Variants in PRSS16 observed in about 807,000 individuals in gnomAD.
PRSS16 encodes the protein thymus-specific serine protease.
PRSS16 carries 43 observed loss-of-function variants against 61.7 expected under a neutral mutation model. That is an observed-to-expected ratio of 0.70 (90% confidence interval 0.55 to 0.90). The LOEUF is 0.90. PRSS16 is among the 40% of genes least tolerant of loss of function. The probability of loss-of-function intolerance (pLI) is 0.00; values close to 1 mark genes in which losing one functional copy is unlikely to be tolerated. For missense variants in PRSS16, 591 were observed against 659.1 expected, an observed-to-expected ratio of 0.90 and a Z score of 1.13; for synonymous variants, 273 against 285.2, an observed-to-expected ratio of 0.96 and a Z score of 0.43.
chr6:27,248,773 T>G (rs935638196), intron 2 of PRSS16, 74 bp from the exon 3 acceptor site: 27 of 975,988 alleles, frequency 2.8e-5, no homozygotes, highest in Non-Finnish European at 3.9e-5. Context: ...GAAGAGAGAC[T>G]GGAACAAATG....
chr6:27,252,976 T>C lies in PRSS16; in HGVS notation c.1150+27T>C. ...TAAGTGACTGGCCTAACCCTAACTTTGTCCCCTCAAACAACCTTTTTACTA... is the reference window on the plus strand; with the variant it reads ...TAAGTGACTGGCCTAACCCTAACTTCGTCCCCTCAAACAACCTTTTTACTA... On this transcript the variant is annotated intron_variant, in intron 9 of 11. Transcript: ENST00000230582. The surrounding 1 kb of genome is among the most constrained non-coding windows in gnomAD (Gnocchi z 4.2). 6.2e-7 allele frequency: 1 copy of C among 1,614,078 alleles called. No homozygotes were observed. Among genetic ancestry groups the C allele is most frequent in the Non-Finnish European group, 8.5e-7 (1 of 1,179,954 alleles).
chr6:27,251,997 G>T lies in PRSS16; in HGVS notation c.965G>T (p.Arg322Leu). 4 of 1,580,042 alleles carry T rather than the reference G, an allele frequency of 2.5e-6. No homozygotes were observed. Among genetic ancestry groups the T allele is most frequent in the Non-Finnish European group, 3.4e-6 (4 of 1,165,130 alleles). Residue 322 changes from arginine to leucine, a missense_variant, in exon 8 of 12, where the codon CGC (arginine) becomes CTC (leucine). Transcript: ENST00000230582. The surrounding 1 kb of genome is among the most constrained non-coding windows in gnomAD (Gnocchi z 5.6). ...CGLLLGGGGN[R>L]SHSTPYCGLR... ...CTTCTCCTCGGGGGCGGGGGCAACC[G>T]CAGCCACTCCACGCCCTACTGCGGG...
chr6:27,251,947 G>C lies in PRSS16; in HGVS notation c.915G>C (p.Pro305=). The change falls in exon 8 of 12, where the codon CCG becomes CCC. Residue 305 remains proline (P), a synonymous_variant. Coordinates refer to ENST00000230582, the MANE Select transcript of PRSS16 (RefSeq NM_005865.4). This position sits in a 1 kb window ranked among gnomAD's most constrained non-coding sequence, Gnocchi z 5.6. The part of the protein sequence containing the change: ...VVQYDGQTGA[P]LSVRQLCGLL... ...AGTATGATGGGCAGACGGGAGCGCCGCTAAGCGTGCGACAGCTCTGCGGAC... is the reference window on the plus strand; with the variant it reads ...AGTATGATGGGCAGACGGGAGCGCCCCTAAGCGTGCGACAGCTCTGCGGAC... 1 of 1,610,038 alleles carries C rather than the reference G, an allele frequency of 6.2e-7. No individual in the cohort carries two copies. The highest frequency in any genetic ancestry group is 1.7e-5 in the Admixed American group (1 of 59,358).
intron 4 of PRSS16, among the ~76,000 whole-genome samples, chr6:27,249,988 T>A (rs1293555885): frequency 7.2e-5 from 11 of 152,236 alleles, no homozygotes; most frequent in Non-Finnish European, 1.5e-5. Context: ...TTCTTTCATC[T>A]GCTTTATTCT....
intron 3 of PRSS16, 46 bp downstream of exon 3, chr6:27,248,992 C>A: frequency 6.4e-7 from 1 of 1,553,788 alleles, no homozygotes; most frequent in Non-Finnish European, 8.8e-7. Context: ...CTGGTGGGGA[C>A]CAGGAAGGGG....
chr6:27,255,269 C>A lies in PRSS16; in HGVS notation c.1499C>A (p.Thr500Asn), dbSNP rs1760006103. Reference protein sequence around the residue: ...GRQNIFQQLQTWLKLAKESQI... With the variant: ...GRQNIFQQLQNWLKLAKESQI... ...CAGAACATCTTCCAGCAGCTACAGA[C>A]CTGGCTCAAGCTGGCAAAGGAGAGC... The change falls in exon 12 of 12, where the codon ACC (threonine) becomes AAC (asparagine). Residue 500 changes from threonine to asparagine, a missense_variant. By Grantham distance (65) the Thr-to-Asn change is moderately conservative. Transcript: ENST00000230582. This position sits in a 1 kb window ranked among gnomAD's most constrained non-coding sequence, Gnocchi z 4.4. The A allele has an allele frequency of 1.9e-6, 3 of 1,613,940 alleles. No individual in the cohort carries two copies. The highest frequency in any genetic ancestry group is 1.1e-5 in the South Asian group (1 of 91,042).
At position 27,254,747 on chromosome 6, in the gene PRSS16, C is replaced by T. The variant is rs777131907; in HGVS notation, c.1205C>T (p.Ser402Phe). ...TTCTCCCAGCTCCCAGCACTGCCCT[C>T]CCAGCTAGACCTATGTGAGCAGGTG... Reference protein sequence around the residue: ...CPFSQLPALPSQLDLCEQVFG... With the variant: ...CPFSQLPALPFQLDLCEQVFG... The change falls in exon 10 of 12, where the codon TCC becomes TTC. Residue 402 changes from serine to phenylalanine, a missense_variant. Physicochemically the swap from Ser to Phe is radical, Grantham distance 155. Coordinates refer to ENST00000230582, the MANE Select transcript of PRSS16 (RefSeq NM_005865.4). 101 of 1,613,978 alleles carry T rather than the reference C, an allele frequency of 6.3e-5. 1 individual carries two copies. In the East Asian group the frequency reaches 1.9e-3, roughly 31 times the overall value.
rs1760009536 is a variant in PRSS16 at position 27,255,362 on chromosome 6, ATACT to A, written c.*49_*52del. The A allele has an allele frequency of 6.6e-7, 1 of 1,523,714 alleles. No individual in the cohort carries two copies. Among genetic ancestry groups the A allele is most frequent in the East Asian group, 2.4e-5 (1 of 42,472 alleles). The allele number at this position is 1,523,714 out of a possible 1,614,324, so 94.4% of individuals were successfully genotyped here. Reference sequence around the variant, plus strand: ...CTGCATGGTCACCTCAGTCCTGGACATACTTGTTCACTGAACAAAAGAAAGCAGC... The same window carrying A: ...CTGCATGGTCACCTCAGTCCTGGACATGTTCACTGAACAAAAGAAAGCAGC... On this transcript the variant is annotated 3_prime_UTR_variant, in exon 12 of 12. Coordinates refer to ENST00000230582, the MANE Select transcript of PRSS16 (RefSeq NM_005865.4). The surrounding 1 kb of genome is among the most constrained non-coding windows in gnomAD (Gnocchi z 4.4).
At position 27,250,065 on chromosome 6, in the gene PRSS16, G is replaced by A. The variant is rs181020912; in HGVS notation, c.468-618G>A. Among the ~76,000 whole-genome samples, 4 of 152,242 alleles carry A rather than the reference G, an allele frequency of 2.6e-5. No homozygotes were observed. In the East Asian group the frequency reaches 7.7e-4, roughly 29 times the overall value. On this transcript the variant is annotated intron_variant, in intron 4 of 11. Transcript: ENST00000230582. ...TGTGTCTGTAACAGTCTGTTTGCCT[G>A]TCTCATTTTCTCCGTCTCTGTATCT...
Position 27,252,121 on chromosome 6 carries a change from C to G in PRSS16, c.1008+81C>G. ...CTTCCGTTGTGTGATCTTGGGCAAGCGAGAACCTTCTCTGAAACTTCGTTT... is the reference window on the plus strand; with the variant it reads ...CTTCCGTTGTGTGATCTTGGGCAAGGGAGAACCTTCTCTGAAACTTCGTTT... On this transcript the variant is annotated intron_variant, in intron 8 of 11. Transcript: ENST00000230582. This position sits in a 1 kb window ranked among gnomAD's most constrained non-coding sequence, Gnocchi z 4.2. 1 of 1,387,868 alleles carries G rather than the reference C, an allele frequency of 7.2e-7. No individual in the cohort carries two copies. Among genetic ancestry groups the G allele is most frequent in the Middle Eastern group, 2.1e-4 (1 of 4,750 alleles). 86.0% of individuals were successfully genotyped at this position (1,387,868 alleles called of 1,614,324 possible).
At position 27,255,763 on chromosome 6, in the gene PRSS16, G is replaced by A. The variant is rs972323409; in HGVS notation, c.*448G>A. 3 of 157,624 alleles carry A rather than the reference G, an allele frequency of 1.9e-5. No homozygotes were observed. Among genetic ancestry groups the A allele is most frequent in the Non-Finnish European group, 4.2e-5 (3 of 71,766 alleles). The allele number at this position is 157,624 out of a possible 1,614,324, so 9.8% of individuals were successfully genotyped here. A position where few individuals can be genotyped will look rare whatever the true frequency, so the allele number is the denominator to read the frequency against. On this transcript the variant is annotated 3_prime_UTR_variant, in exon 12 of 12. Transcript: ENST00000230582. This position sits in a 1 kb window ranked among gnomAD's most constrained non-coding sequence, Gnocchi z 4.4. ...CAGTCTCTTCCTCTCTCTTTCCCCT[G>A]TCACTATTTGTCTTTCTAATCTCCT...
At position 27,249,085 on chromosome 6, in the gene PRSS16, A is replaced by G. The variant is rs761697016; in HGVS notation, c.338-15A>G. On this transcript the variant is annotated splice_polypyrimidine_tract_variant and intron_variant, in intron 3 of 11. Transcript: ENST00000230582. ...CATCTCACCTCCCCACCCCCCACCC[A>G]TACACTCTTCACAGGCCATCCCGCA... 3.2e-5 allele frequency: 19 copies of G among 601,480 alleles called. No homozygotes were observed. Among genetic ancestry groups the G allele is most frequent in the African/African-American group, 7.6e-5 (3 of 39,404 alleles). The allele number at this position is 601,480 out of a possible 1,614,324, so 37.3% of individuals were successfully genotyped here. A position where few individuals can be genotyped will look rare whatever the true frequency, so the allele number is the denominator to read the frequency against.
At chr6:27,248,111 T>G in intron 2 of PRSS16, 63 bp downstream of exon 2, 51 of 1,522,770 alleles carry the variant, frequency 3.3e-5, no homozygotes, top group Non-Finnish European at 4.0e-5. Context: ...CCCTCATCTC[T>G]TCCTCAGTCT....
Position 27,250,776 on chromosome 6 carries a change from C to T in PRSS16, c.561C>T (p.Ala187=). 3 of 1,612,898 alleles carry T rather than the reference C, an allele frequency of 1.9e-6. No individual in the cohort carries two copies. The highest frequency in any genetic ancestry group is 2.2e-5 in the East Asian group (1 of 44,868). Residue 187 remains alanine, a synonymous_variant, in exon 5 of 12, where the codon GCC becomes GCT. Transcript: ENST00000230582. ...GGATCTGCTTCGGAGGCTCCTATGC[C>T]GGCTCCTTGGCCGCCTGGGCCCGGC... ...SPWICFGGSY[A]GSLAAWARLK... is the part of the protein sequence containing the mutation.
chr6:27,254,918 C>T, intron 10 of PRSS16, 46 bp downstream of exon 10: 1 of 1,611,896 alleles, frequency 6.2e-7, no homozygotes, highest in Non-Finnish European at 8.5e-7. Context: ...CACCTAGCCC[C>T]AGCTCAACAT....
chr6:27,251,787 A>G lies in PRSS16; in HGVS notation c.755A>G (p.Glu252Gly). The G allele has an allele frequency of 6.2e-7, 1 of 1,608,734 alleles. No homozygotes were observed. The highest frequency in any genetic ancestry group is 1.3e-5 in the African/African-American group (1 of 74,808). Residue 252 changes from glutamate (E) to glycine (G), a missense_variant, in exon 8 of 12, where the codon GAG (glutamate) becomes GGG (glycine). Transcript: ENST00000230582. This position sits in a 1 kb window ranked among gnomAD's most constrained non-coding sequence, Gnocchi z 5.6. Reference protein sequence around the residue: ...AAVSVAFAEVERRLRSGGAAQ... With the variant: ...AAVSVAFAEVGRRLRSGGAAQ... ...GTGTCCGTCGCCTTCGCTGAAGTGG[A>G]GCGGCGGCTGCGCTCGGGTGGGGCG...
intron 5 of PRSS16, 24 bp downstream of exon 5, chr6:27,250,830 CT>C (rs1404147059): frequency 5.0e-6 from 8 of 1,592,302 alleles, no homozygotes; most frequent in Non-Finnish European, 6.8e-6. Context: ...TCCGGGTGGG[CT>C]GGGGGGAGGG....
Position 27,252,798 on chromosome 6 carries a change from T to C in PRSS16, c.1009-10T>C. On this transcript the variant is annotated splice_polypyrimidine_tract_variant and intron_variant, in intron 8 of 11. Coordinates refer to ENST00000230582, the MANE Select transcript of PRSS16 (RefSeq NM_005865.4). The surrounding 1 kb of genome is among the most constrained non-coding windows in gnomAD (Gnocchi z 4.2). ...GAATTTATGTCTTATGTATGTACATTGTTCCCTAGATTGTCTTGCACAGCC... is the reference window on the plus strand; with the variant it reads ...GAATTTATGTCTTATGTATGTACATCGTTCCCTAGATTGTCTTGCACAGCC... 1.2e-6 allele frequency: 2 copies of C among 1,613,952 alleles called. No homozygotes were observed. Among genetic ancestry groups the C allele is most frequent in the Non-Finnish European group, 1.7e-6 (2 of 1,179,988 alleles).
chr6:27,254,478 G>A (rs1759984689), intron 9 of PRSS16: 3 of 518,756 alleles, frequency 5.8e-6, no homozygotes, highest in African/African-American at 5.7e-5. Context: ...TTTCCTCTGG[G>A]ATCCCTGCCT....
Sources: gnomAD v4.1 joint callset for allele counts (sites outside exome capture counted in the v4.1 genomes callset) on GRCh38, gnomAD v4.1.1 for gene constraint, Gnocchi (gnomAD v3.1) non-coding constraint, MANE v1.5 for transcripts, NCBI Gene and HGNC (gene_info 2026-07-23, HGNC 2026-07-21) for gene names.